OSMR: variants seen among roughly 807,000 people sequenced by gnomAD.
OSMR encodes the protein oncostatin M receptor.
A neutral mutation model predicts 99.9 loss-of-function variants in OSMR; 81 were observed. The observed-to-expected ratio is 0.81, with a 90% CI of 0.68 to 0.97. The LOEUF is 0.97. Among genes scored for constraint, OSMR ranks in the 50% least tolerant of loss-of-function variants. The pLI, the probability that OSMR is intolerant of heterozygous loss-of-function variation, is 0.00. For missense variants in OSMR, 1,099 were observed against 1,153.4 expected (o/e 0.95, Z 0.68); for synonymous variants, 406 against 410.4 (o/e 0.99, Z 0.13).
chr5:38,925,290 G>A lies in OSMR; in HGVS notation c.2131G>A (p.Glu711Lys). 2 of 1,614,058 alleles carry A rather than the reference G, an allele frequency of 1.2e-6. No individual in the cohort carries two copies. The highest frequency in any genetic ancestry group is 2.2e-5 in the South Asian group (2 of 91,074). Residue 711 changes from glutamate (E) to lysine (K), a missense_variant, in exon 15 of 18, where the codon GAG (glutamate) becomes AAG (lysine). Glu to Lys is a moderately conservative substitution (Grantham distance 56, BLOSUM62 1). Coordinates refer to ENST00000274276, the MANE Select transcript of OSMR (RefSeq NM_003999.3). ...VDNLKPESFY[E>K]FFITPFTSAG... ...CAACCTAAAGCCAGAATCCTTCTAT[G>A]AGTTTTTCATCACTCCATTCACTAG...
At chr5:38,902,070 G>A (rs747842225) in intron 7 of OSMR, among the ~76,000 whole-genome samples, 3 of 152,172 alleles carry the variant, frequency 2.0e-5, no homozygotes, top group Non-Finnish European at 2.9e-5. Context: ...AGCCTTTTGC[G>A]ACCAGCCAAA....
intron 1 of OSMR, among the ~76,000 whole-genome samples, chr5:38,849,966 G>A (rs939450129): frequency 6.6e-6 from 1 of 152,112 alleles, no homozygotes; most frequent in Non-Finnish European, 1.5e-5. Flanking sequence ...TGCTAGCTGG[G>A]ATCTTTTTCA....
intron 7 of OSMR, among the ~76,000 whole-genome samples, chr5:38,890,242 C>T (rs1400447856): frequency 6.6e-6 from 1 of 152,142 alleles, no homozygotes; most frequent in African/African-American, 2.4e-5. Context: ...TGTAGAAGTG[C>T]AGAATCGCAG....
chr5:38,904,344 A>G lies in OSMR; in HGVS notation c.1135-9A>G. 1 of 1,613,086 alleles carries G rather than the reference A, an allele frequency of 6.2e-7. No homozygotes were observed. The highest frequency in any genetic ancestry group is 8.5e-7 in the Non-Finnish European group (1 of 1,179,588). On this transcript the variant is annotated splice_polypyrimidine_tract_variant and intron_variant, in intron 8 of 17. Transcript: ENST00000274276. ...CTTTTTTCTTTTCTTCTCTTTTTTG[A>G]TCAAGCAGTACAATGTTTCCATCAA...
At chr5:38,863,423 GC>G (rs142206814) in intron 1 of OSMR, among the ~76,000 whole-genome samples, 6,299 of 151,990 alleles carry the variant, frequency 0.041, 237 homozygotes, top group African/African-American at 0.098. Flanking sequence ...TGTAGTCCCA[GC>G]TGCTCAGGAG....
chr5:38,894,098 AAT>A (rs1390710176), intron 7 of OSMR, among the ~76,000 whole-genome samples: 1 of 152,222 alleles, frequency 6.6e-6, no homozygotes, highest in Admixed American at 6.5e-5. Flanking sequence ...GTGAAGGTAA[AAT>A]AAAATATTTT....
At chr5:38,911,470 A>G (rs1427227330) in intron 9 of OSMR, among the ~76,000 whole-genome samples, 2 of 152,194 alleles carry the variant, frequency 1.3e-5, no homozygotes, top group East Asian at 3.9e-4. Context: ...ATTCACAGCC[A>G]AATTCTGTCA....
At chr5:38,944,306 C>A in exon 2 of OSMR, 1 of 830,406 alleles carries the variant, frequency 1.2e-6, no homozygotes, top group Non-Finnish European at 2.0e-6. Flanking sequence ...TAAAGAAAAT[C>A]TAGCCTCACA....
chr5:38,938,565 C>T (rs1320442281), downstream of OSMR: 2 of 232,474 alleles, frequency 8.6e-6, no homozygotes, highest in African/African-American at 2.2e-5. Flanking sequence ...TGCAGCTATC[C>T]GATACTTACA....
intron 1 of OSMR, among the ~76,000 whole-genome samples, chr5:38,853,585 A>G (rs1027784294): frequency 5.3e-5 from 8 of 152,192 alleles, no homozygotes; most frequent in African/African-American, 1.7e-4. Flanking sequence ...TGTGATCTCA[A>G]AAGTGATTTA....
At chr5:38,862,674 A>G (rs1741543214) in intron 1 of OSMR, among the ~76,000 whole-genome samples, 1 of 142,808 alleles carries the variant, frequency 7.0e-6, no homozygotes, top group Non-Finnish European at 1.5e-5. Context: ...CCCACATCTC[A>G]GACGATGGGC....
intron 13 of OSMR, 95 bp downstream of exon 13, chr5:38,923,349 A>G (rs1746323050): frequency 1.3e-6 from 1 of 789,004 alleles, no homozygotes; most frequent in African/African-American, 1.7e-5. Flanking sequence ...TCAGCACCAT[A>G]CCCAACTTTT....
At chr5:38,867,638 A>G (rs1435409228) in intron 1 of OSMR, among the ~76,000 whole-genome samples, 2 of 152,234 alleles carry the variant, frequency 1.3e-5, no homozygotes, top group African/African-American at 2.4e-5. Flanking sequence ...CCCGTGGTCA[A>G]AGTACCTGAT....
chr5:38,852,897 A>ATT (rs1314957092), intron 1 of OSMR, among the ~76,000 whole-genome samples: 4 of 150,452 alleles, frequency 2.7e-5, no homozygotes, highest in African/African-American at 4.9e-5. Flanking sequence ...CGCCCGGCTA[A>ATT]TTTTTTGTAT....
intron 1 of OSMR, among the ~76,000 whole-genome samples, chr5:38,852,330 A>C (rs1740438926): frequency 6.6e-6 from 1 of 152,228 alleles, no homozygotes; most frequent in South Asian, 2.1e-4. Context: ...GAATTACAGA[A>C]TGATTTCTGG....
intron 5 of OSMR, among the ~76,000 whole-genome samples, chr5:38,884,826 T>C (rs1743578621): frequency 1.3e-5 from 2 of 152,162 alleles, no homozygotes; most frequent in African/African-American, 4.8e-5. Context: ...TCTCCCTCCC[T>C]GCCTCCCTTG....
Position 38,881,704 on chromosome 5 carries a change from G to T in OSMR, c.358G>T (p.Asp120Tyr), listed in dbSNP as rs370592814. Residue 120 changes from aspartate (D) to tyrosine (Y), a missense_variant, in exon 4 of 18, where the codon GAT becomes TAT. By Grantham distance (160) the Asp-to-Tyr change is radical. Coordinates refer to ENST00000274276, the MANE Select transcript of OSMR (RefSeq NM_003999.3). ...TGTAAGAATAAAGAGTTTGGTGGAC[G>T]ATGCCAAGTTCCCTGAGCCAAATTT... ...HFVRIKSLVD[D>Y]AKFPEPNFWS... is the part of the protein sequence containing the mutation. 6.2e-7 allele frequency: 1 copy of T among 1,614,056 alleles called. No homozygotes were observed. The highest frequency in any genetic ancestry group is 1.3e-5 in the African/African-American group (1 of 74,914).
At chr5:38,927,304 GC>G (rs1285867283) in intron 15 of OSMR, among the ~76,000 whole-genome samples, 2 of 152,242 alleles carry the variant, frequency 1.3e-5, no homozygotes, top group African/African-American at 4.8e-5. Context: ...GGGGGCTCCA[GC>G]CCCATATTTC....
intron 9 of OSMR, among the ~76,000 whole-genome samples, chr5:38,912,319 A>G (rs1745640406): frequency 6.6e-6 from 1 of 152,202 alleles, no homozygotes; most frequent in Non-Finnish European, 1.5e-5. Flanking sequence ...ACGCAATCCT[A>G]CTTTCGATAC....
Sources: gnomAD v4.1 joint callset for allele counts (sites outside exome capture counted in the v4.1 genomes callset) on GRCh38, gnomAD v4.1.1 for gene constraint, MANE v1.5 for transcripts, NCBI Gene and HGNC (gene_info 2026-07-23, HGNC 2026-07-21) for gene names.